PARP16: variants seen among roughly 807,000 people sequenced by gnomAD.
The protein encoded by PARP16 is protein mono-ADP-ribosyltransferase PARP16.
PARP16 carries 31 observed loss-of-function variants against 35.0 expected under a neutral mutation model. The ratio of observed to expected loss-of-function variants is 0.88; its 90% CI spans 0.66 to 1.19. The LOEUF (loss-of-function observed/expected upper bound fraction) is 1.19. Among genes scored for constraint, PARP16 ranks in the 50% most tolerant of loss-of-function variants. PARP16 has a pLI of 0.00. For missense variants in PARP16, 424 were observed against 411.2 expected (o/e 1.03, Z -0.27); for synonymous variants, 162 against 169.5 (o/e 0.96, Z 0.34).
intron 3 of PARP16, among the ~76,000 whole-genome samples, chr15:65,246,482 A>G (rs1334104621): frequency 4.6e-5 from 7 of 152,208 alleles, no homozygotes; most frequent in African/African-American, 7.2e-5. Context: ...TGGGAGGCAG[A>G]CGCCCTCCGC....
intron 2 of PARP16, among the ~76,000 whole-genome samples, chr15:65,252,488 T>A (rs2089386857): frequency 6.6e-6 from 1 of 152,204 alleles, no homozygotes; most frequent in Non-Finnish European, 1.5e-5. Context: ...ATGCTTCCAA[T>A]AAATTGAGAC....
chr15:65,254,502 C>T (rs925286886), downstream of PARP16, among the ~76,000 whole-genome samples: 2 of 150,988 alleles, frequency 1.3e-5, no homozygotes, highest in African/African-American at 4.9e-5. Context: ...AAGGCAAACA[C>T]AAACAAAGGC....
chr15:65,263,309 G>T lies in PARP16; in HGVS notation c.531C>A (p.Phe177Leu). 6.3e-7 allele frequency: 1 copy of T among 1,585,626 alleles called. No individual in the cohort carries two copies. The highest frequency in any genetic ancestry group is 1.1e-5 in the South Asian group (1 of 87,852). The change falls in exon 4 of 6, where the codon TTC becomes TTA. Residue 177 changes from phenylalanine to leucine, a missense_variant. Phe to Leu is a conservative substitution (Grantham distance 22). Coordinates refer to ENST00000649807, the MANE Select transcript of PARP16 (RefSeq NM_001316943.2). ...LHCHLNKTSLFGEGTYLTSDL... is the reference protein window; with the variant it reads ...LHCHLNKTSLLGEGTYLTSDL... ...CACTGGTGAGGTAGGTCCCCTCTCCGAACAAGGATGTCTGCAACAGCAAGG... is the reference window on the plus strand; with the variant it reads ...CACTGGTGAGGTAGGTCCCCTCTCCTAACAAGGATGTCTGCAACAGCAAGG...
At chr15:65,249,185 A>G (rs2089290389) in intron 2 of PARP16, among the ~76,000 whole-genome samples, 1 of 152,214 alleles carries the variant, frequency 6.6e-6, no homozygotes, top group African/African-American at 2.4e-5. Flanking sequence ...TGTGGGAATT[A>G]AAGGCCAGTG....
intron 3 of PARP16, among the ~76,000 whole-genome samples, chr15:65,245,664 A>C (rs1006146229): frequency 2.0e-5 from 3 of 152,066 alleles, no homozygotes; most frequent in African/African-American, 7.2e-5. Context: ...CTCACTGACA[A>C]ACTCCATGAC....
chr15:65,232,108 G>A (rs1345092848), downstream of PARP16, among the ~76,000 whole-genome samples: 2 of 152,166 alleles, frequency 1.3e-5, no homozygotes, highest in Non-Finnish European at 2.9e-5. Flanking sequence ...GGGCAAGGGG[G>A]ATGGGCATGG....
intron 4 of PARP16, among the ~76,000 whole-genome samples, chr15:65,261,558 C>T (rs986510844): frequency 1.3e-5 from 2 of 151,664 alleles, no homozygotes; most frequent in Non-Finnish European, 2.9e-5. Flanking sequence ...CGGGTTCAAG[C>T]AACTCTTGTG....
At chr15:65,235,306 C>T (rs896662008) in intron 3 of PARP16, among the ~76,000 whole-genome samples, 1 of 150,608 alleles carries the variant, frequency 6.6e-6, no homozygotes, top group Non-Finnish European at 1.5e-5. Context: ...GACTCCGTCC[C>T]CCCCAAAAAA....
chr15:65,256,221 T>C (rs147053085), downstream of PARP16, among the ~76,000 whole-genome samples: 139 of 152,162 alleles, frequency 9.1e-4, no homozygotes, highest in African/African-American at 3.2e-3. Context: ...CAAGTAATAA[T>C]AGTAGCAGCA....
At chr15:65,237,501 T>C (rs1473697223) in intron 3 of PARP16, among the ~76,000 whole-genome samples, 1 of 152,146 alleles carries the variant, frequency 6.6e-6, no homozygotes, top group Non-Finnish European at 1.5e-5. Context: ...CTAAATTCTA[T>C]GTGTCCTTAG....
downstream of PARP16, among the ~76,000 whole-genome samples, chr15:65,255,813 A>G (rs980569203): frequency 6.6e-6 from 1 of 151,308 alleles, no homozygotes; most frequent in Admixed American, 6.6e-5. Flanking sequence ...CCGGAATGAG[A>G]GGCCCACTCC....
chr15:65,241,008 A>AT (rs1417825564), intron 3 of PARP16, among the ~76,000 whole-genome samples: 2 of 150,500 alleles, frequency 1.3e-5, no homozygotes, highest in Admixed American at 6.6e-5. Context: ...AATTTTTTGT[A>AT]TTTTTTTAGT....
intron 1 of PARP16, among the ~76,000 whole-genome samples, chr15:65,273,360 T>C (rs2090151407): frequency 6.6e-6 from 1 of 151,438 alleles, no homozygotes; most frequent in African/African-American, 2.4e-5. Context: ...GAGTTTTTCT[T>C]AGCTCTGTAG....
Position 65,259,375 on chromosome 15 carries a change from T to C in PARP16, c.*32A>G. On this transcript the variant is annotated 3_prime_UTR_variant, in exon 6 of 6. Coordinates refer to ENST00000649807, the MANE Select transcript of PARP16 (RefSeq NM_001316943.2). ...GAACAAGTTACCATAAGGCACATAG[T>C]TGAGGTAGCCCCCACACCAGGCCCA... The C allele has an allele frequency of 6.2e-7, 1 of 1,612,672 alleles. No individual in the cohort carries two copies. Among genetic ancestry groups the C allele is most frequent in the Non-Finnish European group, 8.5e-7 (1 of 1,178,804 alleles).
intron 1 of PARP16, among the ~76,000 whole-genome samples, chr15:65,276,328 T>C (rs1231364829): frequency 1.3e-5 from 2 of 152,208 alleles, no homozygotes; most frequent in East Asian, 3.8e-4. Context: ...CTCTGCCCGG[T>C]TAAATTTGAA....
chr15:65,247,435 A>C (rs1283273851), intron 3 of PARP16, among the ~76,000 whole-genome samples: 3 of 152,206 alleles, frequency 2.0e-5, no homozygotes, highest in Non-Finnish European at 2.9e-5. Context: ...AGCTTCTAAA[A>C]TTAGGCATCT....
chr15:65,231,997 A>G, downstream of PARP16, among the ~76,000 whole-genome samples: 1 of 152,006 alleles, frequency 6.6e-6, no homozygotes, highest in Non-Finnish European at 1.5e-5. Flanking sequence ...TTTAGTGCCA[A>G]TGAATTCTTG....
chr15:65,267,308 T>C (rs2089928710), intron 2 of PARP16, among the ~76,000 whole-genome samples: 1 of 151,478 alleles, frequency 6.6e-6, no homozygotes, highest in African/African-American at 2.4e-5. Flanking sequence ...AATTGCTCCT[T>C]CTAAGTGGAG....
downstream of PARP16, among the ~76,000 whole-genome samples, chr15:65,254,667 C>T (rs1459265153): frequency 6.6e-6 from 1 of 152,028 alleles, no homozygotes; most frequent in African/African-American, 2.4e-5. Flanking sequence ...ACCATGGCAA[C>T]GGGATGAATG....
Sources: gnomAD v4.1 joint callset for allele counts (sites outside exome capture counted in the v4.1 genomes callset) on GRCh38, gnomAD v4.1.1 for gene constraint, MANE v1.5 for transcripts, NCBI Gene and HGNC (gene_info 2026-07-23, HGNC 2026-07-21) for gene names.